Variants in RBFOX1 observed in about 807,000 individuals in gnomAD.
RBFOX1 encodes the protein RNA binding protein fox-1 homolog 1.
In RBFOX1, 8 loss-of-function variants were observed where a neutral mutation model predicts 57.7. The ratio of observed to expected loss-of-function variants is 0.14; its 90% CI spans 0.08 to 0.25. The LOEUF (loss-of-function observed/expected upper bound fraction) is 0.25. Ranked by LOEUF, RBFOX1 falls within the 10% of genes least tolerant of loss-of-function variation. The pLI, the probability that RBFOX1 is intolerant of heterozygous loss-of-function variation, is 1.00. For missense variants in RBFOX1, 611 were observed against 548.5 expected, an observed-to-expected ratio of 1.11 and a Z score of -1.14; for synonymous variants, 326 against 222.4, an observed-to-expected ratio of 1.47 and a Z score of -4.15.
intron 10 of RBFOX1, among the ~76,000 whole-genome samples, chr16:7,610,630 G>T (rs117876338): frequency 0.031 from 4,787 of 152,286 alleles, 112 homozygotes; most frequent in Non-Finnish European, 0.047. Context: ...CTGTACGTTT[G>T]TATGTAGGTA....
chr16:5,565,000 C>A (rs983943186), intron 2 of RBFOX1, among the ~76,000 whole-genome samples: 38 of 152,252 alleles, frequency 2.5e-4, no homozygotes, highest in African/African-American at 9.1e-4. Flanking sequence ...CTTCAAAGAG[C>A]CCTAGCCACT....
chr16:6,899,959 C>T (rs73529625), intron 3 of RBFOX1, among the ~76,000 whole-genome samples: 12,101 of 152,082 alleles, frequency 0.08, 1,618 homozygotes, highest in African/African-American at 0.27. Flanking sequence ...AGCTGGGTGG[C>T]CTTGGACAAG....
intron 1 of RBFOX1, among the ~76,000 whole-genome samples, chr16:5,326,299 G>C (rs184348310): frequency 6.6e-6 from 1 of 152,184 alleles, no homozygotes; most frequent in African/African-American, 2.4e-5. Flanking sequence ...ATGTATGTGG[G>C]AGCCAGGTAA....
intron 4 of RBFOX1, among the ~76,000 whole-genome samples, chr16:7,375,177 C>A (rs1048510615): frequency 2.0e-5 from 3 of 152,116 alleles, no homozygotes; most frequent in African/African-American, 7.2e-5. Flanking sequence ...TTATCCCTAC[C>A]CTATGATAAA....
rs748447401 is a variant in RBFOX1 at position 6,456,819 on chromosome 16, C to T, written c.-64+139762C>T. 1.4e-4 allele frequency among the ~76,000 whole-genome samples: 21 copies of T among 152,190 alleles called. 1 individual carries two copies. The highest frequency in any genetic ancestry group is 4.6e-4 in the African/African-American group (19 of 41,526). ...AGAATGAAGTTATGAGAGGAAGCAA[C>T]GTGGACTCAAGTTTCATTCTGGTAC... On this transcript the variant is annotated intron_variant, in intron 2 of 15. Coordinates refer to ENST00000550418, the MANE Select transcript of RBFOX1 (RefSeq NM_018723.4).
chr16:5,965,756 T>A (rs1021667736), intron 4 of RBFOX1, among the ~76,000 whole-genome samples: 8 of 152,200 alleles, frequency 5.3e-5, no homozygotes, highest in African/African-American at 1.9e-4. Context: ...TCTGGTTTCA[T>A]GGGCAGAGTA....
chr16:6,727,286 G>A (rs138354265), intron 3 of RBFOX1, among the ~76,000 whole-genome samples: 65 of 151,474 alleles, frequency 4.3e-4, no homozygotes, highest in Admixed American at 7.2e-4. Context: ...AATTAATTGC[G>A]TTTTTTGCCA....
chr16:5,579,540 C>G (rs1351741211), intron 2 of RBFOX1, among the ~76,000 whole-genome samples: 1 of 152,100 alleles, frequency 6.6e-6, no homozygotes, highest in Non-Finnish European at 1.5e-5. Flanking sequence ...TTTAAAACCC[C>G]CAATCCTCTA....
In RBFOX1 at chr16:5,435,486, C is replaced by T. The variant is rs471511; in HGVS notation, c.220-31730C>T. ...CCTGAAGGGAAAAAACAGCCCACTA[C>T]GATCCCTGGATCTCCCTCTGTAAGA... On this transcript the variant is annotated intron_variant, in intron 1 of 2. Coordinates refer to the RBFOX1 transcript ENST00000585867. Among the ~76,000 whole-genome samples, 28 of 152,156 alleles carry T rather than the reference C, an allele frequency of 1.8e-4. No homozygotes were observed. In the Middle Eastern group the frequency reaches 0.01, roughly 56 times the overall value.
chr16:7,073,647 C>T (rs991963498), intron 4 of RBFOX1, among the ~76,000 whole-genome samples: 21 of 151,900 alleles, frequency 1.4e-4, no homozygotes, highest in South Asian at 2.1e-4. Flanking sequence ...ACTTCAAGAC[C>T]GGCCTGGGCA....
chr16:7,255,922 G>C (rs1405105361), intron 4 of RBFOX1, among the ~76,000 whole-genome samples: 1 of 152,170 alleles, frequency 6.6e-6, no homozygotes, highest in Non-Finnish European at 1.5e-5. Flanking sequence ...CACTAGTCTA[G>C]AGGAAATATA....
intron 3 of RBFOX1, among the ~76,000 whole-genome samples, chr16:6,678,271 T>C (rs912057627): frequency 1.3e-5 from 2 of 152,100 alleles, no homozygotes; most frequent in South Asian, 2.1e-4. Context: ...ACTGCAGGCG[T>C]GTACCACCAC....
intron 4 of RBFOX1, among the ~76,000 whole-genome samples, chr16:7,112,043 G>GA (rs2064884780): frequency 6.6e-6 from 1 of 152,062 alleles, no homozygotes. Flanking sequence ...GGGAGGAAGG[G>GA]AGGTAAGTGT....
chr16:7,373,037 T>C (rs1451484214), intron 4 of RBFOX1, among the ~76,000 whole-genome samples: 1 of 151,966 alleles, frequency 6.6e-6, no homozygotes, highest in Non-Finnish European at 1.5e-5. Context: ...GCTGTAGCCA[T>C]TCTCTTGCCT....
chr16:7,410,645 C>G (rs1437505252), intron 4 of RBFOX1, among the ~76,000 whole-genome samples: 5 of 152,108 alleles, frequency 3.3e-5, no homozygotes, highest in African/African-American at 1.2e-4. Context: ...CCATTGCACT[C>G]CAGCCTGGAC....
At chr16:5,755,381 A>G (rs1404238616) in intron 3 of RBFOX1, among the ~76,000 whole-genome samples, 7 of 152,142 alleles carry the variant, frequency 4.6e-5, no homozygotes, top group African/African-American at 1.7e-4. Context: ...TGAGGGACAG[A>G]TTGGGTGAGG....
intron 8 of RBFOX1, 41 bp downstream of exon 8, chr16:7,595,682 A>G: frequency 6.6e-7 from 1 of 1,515,976 alleles, no homozygotes; most frequent in Non-Finnish European, 9.0e-7. Context: ...TTTTTTATAA[A>G]TGTCTGCTTC....
chr16:6,948,762 T>C (rs1176420873), intron 3 of RBFOX1, among the ~76,000 whole-genome samples: 2 of 152,154 alleles, frequency 1.3e-5, no homozygotes, highest in Non-Finnish European at 2.9e-5. Flanking sequence ...CAACAAAAAA[T>C]GCCCATACAA....
rs17143229 is a variant in RBFOX1 at position 7,272,132 on chromosome 16, A to G, written c.27+220034A>G. 4.2e-3 allele frequency among the ~76,000 whole-genome samples: 646 copies of G among 152,292 alleles called. 2 individuals are homozygous for G. Among genetic ancestry groups the G allele is most frequent in the African/African-American group, 0.015 (612 of 41,560 alleles). ...AAATGCTCCTGAAAACTTGATTTCTAATGGTTATGCAATATTTAAATGTTA... is the reference window on the plus strand; with the variant it reads ...AAATGCTCCTGAAAACTTGATTTCTGATGGTTATGCAATATTTAAATGTTA... On this transcript the variant is annotated intron_variant, in intron 4 of 15. Coordinates refer to ENST00000550418, the MANE Select transcript of RBFOX1 (RefSeq NM_018723.4).
Sources: gnomAD v4.1 joint callset for allele counts (sites outside exome capture counted in the v4.1 genomes callset) on GRCh38, gnomAD v4.1.1 for gene constraint, MANE v1.5 for transcripts, NCBI Gene and HGNC (gene_info 2026-07-23, HGNC 2026-07-21) for gene names.